Variants in BOD1L1 observed in about 807,000 individuals in gnomAD.
The protein encoded by BOD1L1 is biorientation of chromosomes in cell division 1 like 1, also known as biorientation of chromosomes in cell division protein 1-like 1.
Under a neutral mutation model 240.7 loss-of-function variants are expected in BOD1L1, and 86 were observed. The ratio of observed to expected loss-of-function variants is 0.36; its 90% CI spans 0.30 to 0.43. The LOEUF (loss-of-function observed/expected upper bound fraction) is 0.43. Ranked by LOEUF, BOD1L1 falls within the 20% of genes least tolerant of loss-of-function variation. The probability of loss-of-function intolerance (pLI) is 1.00; values close to 1 mark genes in which losing one functional copy is unlikely to be tolerated. For missense variants in BOD1L1, 3,554 were observed against 3,643.5 expected (o/e 0.98, Z 0.63); for synonymous variants, 1,268 against 1,272.3 (o/e 1.00, Z 0.07).
rs1715279785 is a variant in BOD1L1 at position 13,602,469 on chromosome 4, A to G, written c.4431T>C (p.Asn1477=). 6.2e-7 allele frequency: 1 copy of G among 1,613,700 alleles called. No homozygotes were observed. Among genetic ancestry groups the G allele is most frequent in the Admixed American group, 1.7e-5 (1 of 59,990 alleles). The change falls in exon 10 of 26, where the codon AAT becomes AAC. Residue 1477 remains asparagine (N), a synonymous_variant. Coordinates refer to ENST00000040738, the MANE Select transcript of BOD1L1 (RefSeq NM_148894.3). The part of the protein sequence containing the change: ...KDISIDVERR[N]ENSEVDTSAG... ...CACTGGTGTCTACCTCACTGTTTTC[A>G]TTCCTTCTTTCAACATCAATTGATA...
At position 13,602,245 on chromosome 4, in the gene BOD1L1, A is replaced by G; in HGVS notation, c.4655T>C (p.Leu1552Ser). 1 of 1,613,928 alleles carries G rather than the reference A, an allele frequency of 6.2e-7. No homozygotes were observed. Among genetic ancestry groups the G allele is most frequent in the Non-Finnish European group, 8.5e-7 (1 of 1,179,852 alleles). The change falls in exon 10 of 26, where the codon TTG becomes TCG. Residue 1552 changes from leucine to serine, a missense_variant. Leu to Ser is a moderately radical substitution (Grantham distance 145). This residue lies in a region of BOD1L1 where 3,393 missense variants were observed against 3,427.1 expected (regional missense o/e 0.99). Coordinates refer to ENST00000040738, the MANE Select transcript of BOD1L1 (RefSeq NM_148894.3). Reference sequence around the variant, plus strand: ...ATCTGCCTCAATGCTGGTGCAAGGCAAAGCCACCTCACTTTGTCTTGTTTC... The same window carrying G: ...ATCTGCCTCAATGCTGGTGCAAGGCGAAGCCACCTCACTTTGTCTTGTTTC... ...SSETRQSEVA[L>S]PCTSIEADEG... is the part of the protein sequence containing the mutation.
Position 13,584,416 on chromosome 4 carries a change from G to A in BOD1L1, c.8434-1680C>T, listed in dbSNP as rs143279910. ...GGAGAGAGTCAGCATGTGTGCGTGT[G>A]TGGCGGGGAGAGAAAGAGAGAGAGA... On this transcript the variant is annotated intron_variant, in intron 17 of 25. Coordinates refer to ENST00000040738, the MANE Select transcript of BOD1L1 (RefSeq NM_148894.3). Among the ~76,000 whole-genome samples the A allele has an allele frequency of 9.9e-3, 1,475 of 149,576 alleles. 18 individuals carry two copies. The highest frequency in any genetic ancestry group is 0.017 in the Middle Eastern group (5 of 292).
At position 13,615,214 on chromosome 4, in the gene BOD1L1, C is replaced by T. The variant is rs906008213; in HGVS notation, c.559+98G>A. The T allele has an allele frequency of 6.5e-6, 8 of 1,228,278 alleles. No homozygotes were observed. The East Asian group carries it at 1.2e-4, about 19-fold the overall frequency. 76.1% of individuals were successfully genotyped at this position (1,228,278 alleles called of 1,614,324 possible). On this transcript the variant is annotated intron_variant, in intron 3 of 25. Coordinates refer to ENST00000040738, the MANE Select transcript of BOD1L1 (RefSeq NM_148894.3). Reference sequence around the variant, plus strand: ...TTAAAGTACAATTTCATTGGAATAGCCAAATTAAAAAATGTGTTAAAGAGC... The same window carrying T: ...TTAAAGTACAATTTCATTGGAATAGTCAAATTAAAAAATGTGTTAAAGAGC...
chr4:13,617,809 T>C (rs766658438), intron 2 of BOD1L1, among the ~76,000 whole-genome samples: 5 of 152,168 alleles, frequency 3.3e-5, no homozygotes, highest in Non-Finnish European at 7.3e-5. Flanking sequence ...AAAGCATACG[T>C]ACAAAAAACT....
chr4:13,605,998 C>T (rs1715670223), intron 9 of BOD1L1, among the ~76,000 whole-genome samples: 1 of 152,152 alleles, frequency 6.6e-6, no homozygotes, highest in Non-Finnish European at 1.5e-5. Context: ...TCACTGACTA[C>T]TAGCTATAAT....
In BOD1L1 at chr4:13,627,451, GCACCCGCGCCGCCCGCCC is replaced by G; in HGVS notation, c.119_136del (p.Gly40_Gly45del). 2 of 1,217,140 alleles carry G rather than the reference GCACCCGCGCCGCCCGCCC, an allele frequency of 1.6e-6. No individual in the cohort carries two copies. Among genetic ancestry groups the G allele is most frequent in the South Asian group, 4.9e-5 (2 of 40,538 alleles). The allele number at this position is 1,217,140 out of a possible 1,614,324, so 75.4% of individuals were successfully genotyped here. A position where few individuals can be genotyped will look rare whatever the true frequency, so the allele number is the denominator to read the frequency against. On this transcript the variant is annotated inframe_deletion, in exon 1 of 26. Coordinates refer to ENST00000040738, the MANE Select transcript of BOD1L1 (RefSeq NM_148894.3). ...CACGAGCTGCGGGTCCCCGGCGCCCGCACCCGCGCCGCCCGCCCCGCCCGCGCCGGGGCCAGCCCCGGG... is the reference window on the plus strand; with the variant it reads ...CACGAGCTGCGGGTCCCCGGCGCCCGCGCCCGCGCCGGGGCCAGCCCCGGG...
rs1053892160 is a variant in BOD1L1, at chr4:13,597,085, G to A, written c.8019+19C>T. 2 of 1,567,968 alleles carry A rather than the reference G, an allele frequency of 1.3e-6. No homozygotes were observed. Among genetic ancestry groups the A allele is most frequent in the African/African-American group, 2.7e-5 (2 of 74,384 alleles). ...ATTTAATCACTTACAGTTCAGCACAGCTGAATTATAAGCCATACCTCCATT... is the reference window on the plus strand; with the variant it reads ...ATTTAATCACTTACAGTTCAGCACAACTGAATTATAAGCCATACCTCCATT... On this transcript the variant is annotated intron_variant, in intron 11 of 25. Coordinates refer to ENST00000040738, the MANE Select transcript of BOD1L1 (RefSeq NM_148894.3).
chr4:13,584,468 G>C (rs182500780), intron 17 of BOD1L1, among the ~76,000 whole-genome samples: 2 of 150,690 alleles, frequency 1.3e-5, no homozygotes, highest in East Asian at 3.9e-4. Context: ...GTGTGTGTGT[G>C]TGTGTGTGTG....
At position 13,600,947 on chromosome 4, in the gene BOD1L1, C is replaced by T; in HGVS notation, c.5953G>A (p.Asp1985Asn). The change falls in exon 10 of 26, where the codon GAT (aspartate) becomes AAT (asparagine). Residue 1985 changes from aspartate (D) to asparagine (N), a missense_variant. Coordinates refer to ENST00000040738, the MANE Select transcript of BOD1L1 (RefSeq NM_148894.3). ...TTTTCGAGCTGACTGTCACTTTGAT[C>T]AGATGCAGCACTAGTCATAGGACCC... The part of the protein sequence containing the change: ...CEGPMTSAAS[D>N]QSDSQLEKVE... The T allele has an allele frequency of 6.2e-7, 1 of 1,613,938 alleles. No individual in the cohort carries two copies. The highest frequency in any genetic ancestry group is 8.5e-7 in the Non-Finnish European group (1 of 1,179,880).
chr4:13,583,071 G>A (rs1713365560), intron 17 of BOD1L1, among the ~76,000 whole-genome samples: 1 of 152,142 alleles, frequency 6.6e-6, no homozygotes, highest in African/African-American at 2.4e-5. Flanking sequence ...GACAGATACT[G>A]GCAACAGATA....
chr4:13,625,532 T>C (rs1014590941), intron 1 of BOD1L1: 11 of 152,312 alleles, frequency 7.2e-5, no homozygotes, highest in Non-Finnish European at 1.6e-4. Context: ...GCCTCAGACA[T>C]TGCAGCAGTA....
intron 10 of BOD1L1, among the ~76,000 whole-genome samples, chr4:13,597,504 T>G (rs1714721673): frequency 2.0e-5 from 3 of 152,348 alleles, no homozygotes; most frequent in Admixed American, 1.3e-4. Context: ...TTAAAAATAT[T>G]CTGAGTCACT....
chr4:13,599,681 C>A lies in BOD1L1; in HGVS notation c.7219G>T (p.Gly2407Trp), dbSNP rs1198180386. The change falls in exon 10 of 26, where the codon GGG becomes TGG. Residue 2407 changes from glycine (G) to tryptophan (W), a missense_variant. Coordinates refer to ENST00000040738, the MANE Select transcript of BOD1L1 (RefSeq NM_148894.3). ...TTGTGGACTGATGGCCCGTTGTGCC[C>A]CTCCTCGGTGCTCACTGCCAACACG... Reference protein sequence around the residue: ...GPVLAVSTEEGHNGPSVHKPS... With the variant: ...GPVLAVSTEEWHNGPSVHKPS... The A allele has an allele frequency of 1.2e-6, 2 of 1,613,874 alleles. No homozygotes were observed. The highest frequency in any genetic ancestry group is 1.7e-6 in the Non-Finnish European group (2 of 1,179,882).
chr4:13,586,338 T>C, intron 17 of BOD1L1, 58 bp downstream of exon 17: 1 of 976,666 alleles, frequency 1.0e-6, no homozygotes, highest in Non-Finnish European at 1.6e-6. Context: ...TTTACAATGC[T>C]GTAATTAGGC....
At chr4:13,573,462 ATCTATCTATCTT>A (rs755478569) in intron 25 of BOD1L1, among the ~76,000 whole-genome samples, 17,325 of 144,098 alleles carry the variant, frequency 0.12, 1,284 homozygotes, top group Middle Eastern at 0.22. Context: ...CTATCTATCT[ATCTATCTATCTT>A]TCTTTCTTTC....
intron 22 of BOD1L1, 113 bp downstream of exon 22, chr4:13,579,815 G>A: frequency 1.3e-6 from 1 of 761,158 alleles, no homozygotes; most frequent in Non-Finnish European, 2.1e-6. Context: ...TTTTTACCAA[G>A]GGGGCCACCC....
chr4:13,572,927 G>T (rs1712336712), intron 25 of BOD1L1: 1 of 1,153,450 alleles, frequency 8.7e-7, no homozygotes, highest in Non-Finnish European at 1.1e-6. Context: ...GAGGCTCCTT[G>T]TGGGCAAGTC....
In BOD1L1 at chr4:13,599,609, C is replaced by CT; in HGVS notation, c.7290dup (p.Glu2431ArgfsTer44). On this transcript the variant is annotated frameshift_variant, in exon 10 of 26. Coordinates refer to ENST00000040738, the MANE Select transcript of BOD1L1 (RefSeq NM_148894.3). LOFTEE classifies it high-confidence loss of function. ...GGGCACTCCTTGCCATGCTTCTCTT[C>CT]TTTTTCCGCACAAACAGCACTTGGA... 1 of 1,614,044 alleles carries CT rather than the reference C, an allele frequency of 6.2e-7. No individual in the cohort carries two copies. Among genetic ancestry groups the CT allele is most frequent in the Non-Finnish European group, 8.5e-7 (1 of 1,179,902 alleles).
At position 13,601,644 on chromosome 4, in the gene BOD1L1, T is replaced by G; in HGVS notation, c.5256A>C (p.Glu1752Asp). The change falls in exon 10 of 26, where the codon GAA (glutamate) becomes GAC (aspartate). Residue 1752 changes from glutamate (E) to aspartate (D), a missense_variant. Physicochemically the swap from Glu to Asp is conservative, Grantham distance 45. Around this residue, in one of 2 missense-constraint regions of BOD1L1, gnomAD observed 3,393 missense variants for 3,427.1 expected, o/e 0.99. Coordinates refer to ENST00000040738, the MANE Select transcript of BOD1L1 (RefSeq NM_148894.3). ...CSVTGAGPREERMVTGAGVVL... is the reference protein window; with the variant it reads ...CSVTGAGPREDRMVTGAGVVL... ...CAACACCTGCACCTGTAACCATGCG[T>G]TCCTCCCGGGGCCCTGCTCCAGTTA... 6.2e-7 allele frequency: 1 copy of G among 1,613,962 alleles called. No individual in the cohort carries two copies. Among genetic ancestry groups the G allele is most frequent in the Non-Finnish European group, 8.5e-7 (1 of 1,179,876 alleles).
Sources: allele counts gnomAD v4.1 joint callset (sites outside exome capture counted in the v4.1 genomes callset), GRCh38; gene constraint gnomAD v4.1.1; regional missense constraint gnomAD v4.1.1; transcripts MANE v1.5; gene names NCBI Gene and HGNC (gene_info 2026-07-23, HGNC 2026-07-21).